The following SDK1 variants were observed in gnomAD, a reference collection of about 807,000 sequenced individuals.
The protein encoded by SDK1 is protein sidekick-1.
Under a neutral mutation model 245.5 loss-of-function variants are expected in SDK1, and 157 were observed. That is an observed-to-expected ratio of 0.64 (90% CI 0.56 to 0.73). The LOEUF (loss-of-function observed/expected upper bound fraction) is 0.73, where lower values mean the gene tolerates loss of function less well. Among genes scored for constraint, SDK1 ranks in the 30% least tolerant of loss-of-function variants. SDK1 has a pLI of 0.00. For missense variants in SDK1, 3,583 were observed against 3,002.3 expected (o/e 1.19, Z -4.52); for synonymous variants, 1,647 against 1,278.5 (o/e 1.29, Z -6.15).
In SDK1 at chr7:3,973,346, G is replaced by A. The variant is rs190278472; in HGVS notation, c.1818-1023G>A. ...AGAACTGGGCACATTTGCAAAACCC[G>A]ATCAAATTATTGTGGAAAAGAAAAA... On this transcript the variant is annotated intron_variant, in intron 12 of 44. Coordinates refer to ENST00000404826, the MANE Select transcript of SDK1 (RefSeq NM_152744.4). Among the ~76,000 whole-genome samples the A allele has an allele frequency of 8.2e-4, 125 of 152,326 alleles. 1 individual carries two copies. The highest frequency in any genetic ancestry group is 2.9e-3 in the African/African-American group (122 of 41,580).
At chr7:3,971,111 G>A (rs1018234684) in intron 11 of SDK1, among the ~76,000 whole-genome samples, 4 of 152,138 alleles carry the variant, frequency 2.6e-5, no homozygotes, top group Admixed American at 6.5e-5. Flanking sequence ...CCATGCAGAC[G>A]CTAGAAATGA....
chr7:3,979,329 C>T (rs1278991192), intron 13 of SDK1, among the ~76,000 whole-genome samples: 3 of 152,212 alleles, frequency 2.0e-5, no homozygotes, highest in Non-Finnish European at 4.4e-5. Context: ...TACTAGAATG[C>T]TGTTCCCCCC....
At position 3,453,717 on chromosome 7, in the gene SDK1, C is replaced by G. The variant is rs368596433; in HGVS notation, c.298+151833C>G. Among the ~76,000 whole-genome samples the G allele has an allele frequency of 9.7e-4, 148 of 152,004 alleles. 2 individuals carry two copies. In the East Asian group the frequency reaches 0.016, roughly 17 times the overall value. Reference sequence around the variant, plus strand: ...GCCACAGTCTCTCCACTCACTGGCACTACAGGTGCACCACCATGTCTGGCT... The same window carrying G: ...GCCACAGTCTCTCCACTCACTGGCAGTACAGGTGCACCACCATGTCTGGCT... On this transcript the variant is annotated intron_variant, in intron 1 of 44. Coordinates refer to ENST00000404826, the MANE Select transcript of SDK1 (RefSeq NM_152744.4).
At chr7:4,144,410 A>G (rs867642709) in intron 28 of SDK1, among the ~76,000 whole-genome samples, 1 of 152,154 alleles carries the variant, frequency 6.6e-6, no homozygotes, top group African/African-American at 2.4e-5. Context: ...TGGCTGCGTC[A>G]TGGACAGGGC....
chr7:4,231,736 A>G (rs1785783143), intron 40 of SDK1, among the ~76,000 whole-genome samples: 1 of 152,314 alleles, frequency 6.6e-6, no homozygotes, highest in South Asian at 2.1e-4. Context: ...TGTGACTGTA[A>G]GGACTTAGTC....
chr7:3,998,844 C>T (rs147847178), intron 14 of SDK1, among the ~76,000 whole-genome samples: 82 of 152,282 alleles, frequency 5.4e-4, no homozygotes, highest in South Asian at 1.9e-3. Context: ...GGAGTGCTGG[C>T]TTCTCTGGGT....
chr7:3,833,012 G>A (rs1243931754), intron 5 of SDK1, among the ~76,000 whole-genome samples: 1 of 151,958 alleles, frequency 6.6e-6, no homozygotes, highest in Non-Finnish European at 1.5e-5. Context: ...TAGTTTTAGA[G>A]CATCATAAAA....
At chr7:3,403,058 C>T (rs1463567701) in intron 1 of SDK1, among the ~76,000 whole-genome samples, 2 of 152,094 alleles carry the variant, frequency 1.3e-5, no homozygotes, top group Non-Finnish European at 2.9e-5. Flanking sequence ...CCTCAGCCTT[C>T]CCAGTAGCTG....
chr7:3,658,966 T>C (rs1783273625), intron 4 of SDK1, among the ~76,000 whole-genome samples: 1 of 152,106 alleles, frequency 6.6e-6, no homozygotes, highest in Non-Finnish European at 1.5e-5. Context: ...AAGAAAACCC[T>C]GTACCCCTTG....
chr7:4,070,464 A>G (rs982923032), intron 20 of SDK1, among the ~76,000 whole-genome samples: 1 of 152,168 alleles, frequency 6.6e-6, no homozygotes, highest in Non-Finnish European at 1.5e-5. Context: ...TGTCCTGTGC[A>G]TCCCTGCAGT....
chr7:3,687,122 T>G (rs931776786), intron 4 of SDK1, among the ~76,000 whole-genome samples: 1 of 141,870 alleles, frequency 7.0e-6, no homozygotes, highest in East Asian at 2.0e-4. Context: ...ACATGGGCAT[T>G]GTTTCCAAGA....
At chr7:3,626,719 C>T (rs192191055) in intron 2 of SDK1, among the ~76,000 whole-genome samples, 19 of 152,270 alleles carry the variant, frequency 1.2e-4, no homozygotes, top group Middle Eastern at 3.4e-3. Context: ...AGTGTAGTAA[C>T]GCCTTTCTTT....
intron 1 of SDK1, among the ~76,000 whole-genome samples, chr7:3,570,961 A>T (rs569143942): frequency 6.6e-6 from 1 of 152,188 alleles, no homozygotes; most frequent in African/African-American, 2.4e-5. Flanking sequence ...CAGAATATGA[A>T]CTGAGATATT....
intron 4 of SDK1, among the ~76,000 whole-genome samples, chr7:3,767,507 C>T (rs1780286898): frequency 6.6e-6 from 1 of 151,166 alleles, no homozygotes; most frequent in Non-Finnish European, 1.5e-5. Context: ...TATTTTAACA[C>T]AAAATGAAAT....
chr7:3,477,366 T>C (rs1388852240), intron 1 of SDK1, among the ~76,000 whole-genome samples: 5 of 151,284 alleles, frequency 3.3e-5, no homozygotes, highest in Non-Finnish European at 7.4e-5. Context: ...TGGTGAATTT[T>C]TGTATTTTTA....
In SDK1 at chr7:3,803,815, A is replaced by G. The variant is rs570663539; in HGVS notation, c.714-17635A>G. On this transcript the variant is annotated intron_variant, in intron 4 of 44. Transcript: ENST00000404826. ...CAGGCTGGAGTGCAGTGGTGGCTGG[A>G]ATGCAGTGGCATGATCTCAGCTCAC... is the stretch of plus-strand genomic sequence containing the variant. 3.8e-3 allele frequency among the ~76,000 whole-genome samples: 552 copies of G among 143,990 alleles called. 5 individuals carry two copies. Among genetic ancestry groups the G allele is most frequent in the African/African-American group, 0.014 (532 of 38,182 alleles). The allele number at this position is 143,990 out of a possible 152,430, so 94.5% of individuals were successfully genotyped here.
intron 1 of SDK1, among the ~76,000 whole-genome samples, chr7:3,321,232 A>G (rs1779794880): frequency 6.6e-6 from 1 of 152,268 alleles, no homozygotes; most frequent in Non-Finnish European, 1.5e-5. Flanking sequence ...CAGATTCCTT[A>G]GAAACGTCAA....
intron 1 of SDK1, among the ~76,000 whole-genome samples, chr7:3,485,190 C>T (rs567264999): frequency 2.0e-5 from 3 of 152,260 alleles, no homozygotes; most frequent in East Asian, 3.9e-4. Flanking sequence ...TTGATAATAG[C>T]TATCATATCT....
Position 3,337,302 on chromosome 7 carries a change from G to A in SDK1, c.298+35418G>A, listed in dbSNP as rs1465071552. On this transcript the variant is annotated intron_variant, in intron 1 of 44. Transcript: ENST00000404826. ...GAATGGGCTCAATAGAGTGGCAATGGCAGGCTGAGAATCAGTGAACTTGAA... is the reference window on the plus strand; with the variant it reads ...GAATGGGCTCAATAGAGTGGCAATGACAGGCTGAGAATCAGTGAACTTGAA... 2.0e-5 allele frequency among the ~76,000 whole-genome samples: 3 copies of A among 152,060 alleles called. No homozygotes were observed. The East Asian group carries it at 5.8e-4, about 29-fold the overall frequency.
Sources: allele counts gnomAD v4.1 joint callset (sites outside exome capture counted in the v4.1 genomes callset), GRCh38; gene constraint gnomAD v4.1.1; transcripts MANE v1.5; gene names NCBI Gene and HGNC (gene_info 2026-07-23, HGNC 2026-07-21).